Variants in PTN observed in about 807,000 individuals in gnomAD.
PTN encodes the protein pleiotrophin.
In PTN, 18 loss-of-function variants were observed where a neutral mutation model predicts 24.1. That is an observed-to-expected ratio of 0.75 (90% confidence interval 0.52 to 1.11). The LOEUF (loss-of-function observed/expected upper bound fraction) is 1.11, where lower values mean the gene tolerates loss of function less well. Among genes scored for constraint, PTN ranks in the 50% least tolerant of loss-of-function variants. The pLI, the probability that PTN is intolerant of heterozygous loss-of-function variation, is 0.00. For synonymous variants in PTN, 78 were observed against 68.6 expected (o/e 1.14, Z -0.67); for missense variants, 163 against 198.8 (o/e 0.82, Z 1.08).
At chr7:137,343,233 G>C (rs1264247005) in intron 1 of PTN, among the ~76,000 whole-genome samples, 4 of 152,008 alleles carry the variant, frequency 2.6e-5, no homozygotes, top group Non-Finnish European at 5.9e-5. Context: ...AAGCACACCC[G>C]AACTAACCTA....
chr7:137,304,308 G>A (rs1809852520), intron 1 of PTN, among the ~76,000 whole-genome samples: 1 of 151,760 alleles, frequency 6.6e-6, no homozygotes, highest in African/African-American at 2.4e-5. Flanking sequence ...TTCAAAAGGT[G>A]GCCACTCTTG....
At chr7:137,342,817 G>C (rs772296063) in intron 1 of PTN, among the ~76,000 whole-genome samples, 4 of 152,152 alleles carry the variant, frequency 2.6e-5, no homozygotes, top group Non-Finnish European at 4.4e-5. Context: ...TGGGACTCCA[G>C]GTGTGTCTTC....
chr7:137,244,833 T>C lies in PTN; in HGVS notation c.451+6397A>G, dbSNP rs561712278. On this transcript the variant is annotated intron_variant, in intron 4 of 4. Coordinates refer to ENST00000348225, the MANE Select transcript of PTN (RefSeq NM_002825.7). Reference sequence around the variant, plus strand: ...ATTGCTTCTATACCTCAAGAAGTAATGCTGTTAGAATGGACTATGATGAAT... The same window carrying C: ...ATTGCTTCTATACCTCAAGAAGTAACGCTGTTAGAATGGACTATGATGAAT... 3.3e-5 allele frequency among the ~76,000 whole-genome samples: 5 copies of C among 152,252 alleles called. No homozygotes were observed. In the East Asian group the frequency reaches 5.8e-4, roughly 18 times the overall value.
intron 1 of PTN, among the ~76,000 whole-genome samples, chr7:137,281,033 T>C (rs1052546141): frequency 6.6e-6 from 1 of 152,128 alleles, no homozygotes; most frequent in Non-Finnish European, 1.5e-5. Flanking sequence ...AAATATCACA[T>C]AGCTGTCTCA....
chr7:137,278,976 AAT>A (rs1809419131), intron 1 of PTN, among the ~76,000 whole-genome samples: 1 of 147,564 alleles, frequency 6.8e-6, no homozygotes. Context: ...TAATAATAAT[AAT>A]AATAAAATAA....
intron 1 of PTN, among the ~76,000 whole-genome samples, chr7:137,341,843 C>G (rs1012548100): frequency 2.0e-5 from 3 of 151,958 alleles, no homozygotes; most frequent in Admixed American, 6.5e-5. Flanking sequence ...AAAAGGATGG[C>G]ATTAGAGTTT....
intron 1 of PTN, among the ~76,000 whole-genome samples, chr7:137,266,717 A>T (rs1427353577): frequency 6.6e-6 from 1 of 151,770 alleles, no homozygotes; most frequent in African/African-American, 2.4e-5. Flanking sequence ...GAAGGCCACA[A>T]GATTAGAAGT....
chr7:137,235,746 T>C (rs1001808979), intron 4 of PTN, among the ~76,000 whole-genome samples: 3 of 152,166 alleles, frequency 2.0e-5, no homozygotes, highest in Admixed American at 1.3e-4. Flanking sequence ...ACACCTCTTC[T>C]TTCCCTCACT....
chr7:137,342,292 C>T (rs1810546022), intron 1 of PTN, among the ~76,000 whole-genome samples: 1 of 152,108 alleles, frequency 6.6e-6, no homozygotes, highest in Non-Finnish European at 1.5e-5. Context: ...CTAGCACACA[C>T]ACACGCACAT....
At chr7:137,311,115 C>A (rs1809973982) in intron 1 of PTN, among the ~76,000 whole-genome samples, 1 of 151,838 alleles carries the variant, frequency 6.6e-6, no homozygotes, top group Non-Finnish European at 1.5e-5. Context: ...ACCTGTAACC[C>A]CAACTACTTG....
At chr7:137,265,170 T>C (rs932250537) in intron 1 of PTN, among the ~76,000 whole-genome samples, 3 of 152,198 alleles carry the variant, frequency 2.0e-5, no homozygotes, top group Non-Finnish European at 1.5e-5. Flanking sequence ...CCTGTAGCTA[T>C]TTGATTTCAA....
chr7:137,286,524 G>A (rs764196808), intron 1 of PTN, among the ~76,000 whole-genome samples: 8 of 152,090 alleles, frequency 5.3e-5, no homozygotes, highest in Non-Finnish European at 1.0e-4. Flanking sequence ...TCCAACTTAC[G>A]AATATGTAAA....
intron 1 of PTN, among the ~76,000 whole-genome samples, chr7:137,285,083 T>TA (rs1809532579): frequency 6.6e-6 from 1 of 152,118 alleles, no homozygotes; most frequent in South Asian, 2.1e-4. Flanking sequence ...TAAGTATACA[T>TA]AAAAAAGCAA....
chr7:137,303,225 T>C (rs1321852327), intron 1 of PTN, among the ~76,000 whole-genome samples: 1 of 151,992 alleles, frequency 6.6e-6, no homozygotes, highest in Non-Finnish European at 1.5e-5. Flanking sequence ...TCACCAGTTA[T>C]GAGACCCAGC....
At chr7:137,304,052 C>T (rs1809848034) in intron 1 of PTN, among the ~76,000 whole-genome samples, 2 of 151,986 alleles carry the variant, frequency 1.3e-5, no homozygotes, top group South Asian at 4.1e-4. Context: ...TCAAGTCCAA[C>T]CCTTGGGAAG....
intron 1 of PTN, among the ~76,000 whole-genome samples, chr7:137,324,433 A>AAAAATATATATATATATATAT: frequency 2.3e-5 from 2 of 88,804 alleles, no homozygotes; most frequent in African/African-American, 1.4e-4. Context: ...AAAAAAAAAA[A>AAAAATATATATATATATATAT]ATATATATAT....
chr7:137,324,200 G>A (rs930041784), intron 1 of PTN, among the ~76,000 whole-genome samples: 1 of 151,618 alleles, frequency 6.6e-6, no homozygotes, highest in Non-Finnish European at 1.5e-5. Flanking sequence ...TCAAACTTTA[G>A]TGTGTCTGAA....
At chr7:137,228,465 T>C (rs905584324) in intron 4 of PTN, among the ~76,000 whole-genome samples, 1 of 151,832 alleles carries the variant, frequency 6.6e-6, no homozygotes, top group African/African-American at 2.4e-5. Flanking sequence ...CACTGCTCAA[T>C]GGAAAACTAC....
intron 1 of PTN, among the ~76,000 whole-genome samples, chr7:137,301,445 T>G (rs1005704857): frequency 3.3e-5 from 5 of 151,898 alleles, no homozygotes; most frequent in Non-Finnish European, 5.9e-5. Flanking sequence ...ATGTAAAGAT[T>G]GGACTAGATG....
Sources: gnomAD v4.1 joint callset for allele counts (sites outside exome capture counted in the v4.1 genomes callset) on GRCh38, gnomAD v4.1.1 for gene constraint, MANE v1.5 for transcripts, NCBI Gene and HGNC (gene_info 2026-07-23, HGNC 2026-07-21) for gene names.